Variants in EBF2 observed in about 807,000 individuals in gnomAD.
EBF2 encodes the protein EBF transcription factor 2.
EBF2 carries 21 observed loss-of-function variants against 72.8 expected under a neutral mutation model. The observed-to-expected ratio is 0.29, with a 90% confidence interval of 0.20 to 0.42. The LOEUF is 0.42. EBF2 is among the 10% of genes least tolerant of loss of function. The pLI is 1.00. For missense variants in EBF2, 637 were observed against 731.2 expected (o/e 0.87, Z 1.49); for synonymous variants, 299 against 274.2 (o/e 1.09, Z -0.89).
Position 26,029,568 on chromosome 8 carries a change from C to A in EBF2, c.551+3517G>T, listed in dbSNP as rs113925329. The stretch of plus-strand genomic sequence containing the variant: ...CCTCTCCCTCTCCCTGGAACATGCA[C>A]ATTTCAAGGGAATAAACAGACTTCT... On this transcript the variant is annotated intron_variant, in intron 6 of 15. Transcript: ENST00000520164. Among the ~76,000 whole-genome samples, 200 of 152,284 alleles carry A rather than the reference C, an allele frequency of 1.3e-3. 4 individuals carry two copies. Among genetic ancestry groups the A allele is most frequent in the African/African-American group, 4.6e-3 (190 of 41,560 alleles).
chr8:25,886,769 C>A lies in EBF2; in HGVS notation c.995G>T (p.Arg332Met), dbSNP rs765464688. The A allele has an allele frequency of 6.2e-7, 1 of 1,609,154 alleles. No individual in the cohort carries two copies. Among genetic ancestry groups the A allele is most frequent in the South Asian group, 1.1e-5 (1 of 89,676 alleles). Reference sequence around the variant, plus strand: ...TTCTCACCTACCTGTGTAAATGAACCTTCCTGGGGCTCCTTTGCAGAACTG... The same window carrying A: ...TTCTCACCTACCTGTGTAAATGAACATTCCTGGGGCTCCTTTGCAGAACTG... ...SKQFCKGAPG[R>M]FIYTALNEPT... is the part of the protein sequence containing the mutation. The change falls in exon 10 of 16, where the codon AGG (arginine) becomes ATG (methionine). Residue 332 changes from arginine to methionine, a missense_variant. By Grantham distance (91) the Arg-to-Met change is moderately conservative. Coordinates refer to ENST00000520164, the MANE Select transcript of EBF2 (RefSeq NM_022659.4).
chr8:25,883,644 C>G (rs552988796), intron 10 of EBF2, among the ~76,000 whole-genome samples: 13 of 152,088 alleles, frequency 8.5e-5, no homozygotes, highest in African/African-American at 2.4e-4. Context: ...TGCACACACA[C>G]GTACACAACA....
chr8:26,014,555 A>G (rs1024322022), intron 6 of EBF2, among the ~76,000 whole-genome samples: 10 of 152,222 alleles, frequency 6.6e-5, no homozygotes, highest in Non-Finnish European at 1.5e-4. Flanking sequence ...CAGAAACACA[A>G]GAATACTGAA....
chr8:26,010,730 T>G (rs895413972), intron 6 of EBF2, among the ~76,000 whole-genome samples: 1 of 152,194 alleles, frequency 6.6e-6, no homozygotes, highest in Non-Finnish European at 1.5e-5. Context: ...ATTTATGACA[T>G]CTTGGAATGC....
chr8:26,010,544 G>A (rs983185275), intron 6 of EBF2, among the ~76,000 whole-genome samples: 6 of 152,122 alleles, frequency 3.9e-5, no homozygotes, highest in South Asian at 4.1e-4. Flanking sequence ...ACCCGTTCCC[G>A]GCAGAAAATA....
At position 25,842,751 on chromosome 8, in the gene EBF2, A is replaced by T. The variant is rs1448315870; in HGVS notation, c.*1858T>A. The T allele has an allele frequency of 2.6e-5, 4 of 152,228 alleles. No homozygotes were observed. The highest frequency in any genetic ancestry group is 5.9e-5 in the Non-Finnish European group (4 of 68,038). 9.4% of individuals were successfully genotyped at this position (152,228 alleles called of 1,614,324 possible). ...ACTGGGTAATTCCAGAATGGGTTAA[A>T]GGCAAATAAGACAGTTGGGGCTGGA... On this transcript the variant is annotated 3_prime_UTR_variant, in exon 16 of 16. Coordinates refer to ENST00000520164, the MANE Select transcript of EBF2 (RefSeq NM_022659.4).
intron 6 of EBF2, among the ~76,000 whole-genome samples, chr8:25,947,102 A>G (rs571064859): frequency 4.5e-4 from 68 of 152,220 alleles, no homozygotes; most frequent in African/African-American, 1.6e-3. Context: ...CCCATGACCC[A>G]CTGATATGGT....
chr8:25,972,449 C>A (rs1300528608), intron 6 of EBF2, among the ~76,000 whole-genome samples: 2 of 152,018 alleles, frequency 1.3e-5, no homozygotes, highest in Non-Finnish European at 2.9e-5. Context: ...ATGACCCTCC[C>A]CTGTCATCAG....
At chr8:26,025,800 C>A (rs1363716355) in intron 6 of EBF2, among the ~76,000 whole-genome samples, 1 of 152,020 alleles carries the variant, frequency 6.6e-6, no homozygotes, top group Non-Finnish European at 1.5e-5. Flanking sequence ...AAGAATGATG[C>A]ATTCACATTG....
intron 10 of EBF2, among the ~76,000 whole-genome samples, chr8:25,884,686 A>G (rs1248911001): frequency 6.6e-6 from 1 of 152,194 alleles, no homozygotes; most frequent in Admixed American, 6.5e-5. Context: ...ACTAGTTTGA[A>G]TGAATGAATG....
intron 15 of EBF2, among the ~76,000 whole-genome samples, chr8:25,848,039 C>A (rs1173878911): frequency 6.7e-6 from 1 of 148,960 alleles, no homozygotes; most frequent in African/African-American, 2.6e-5. Context: ...TAAAAAAAAA[C>A]CTATAAAAAC....
At chr8:26,016,967 G>A (rs1805120309) in intron 6 of EBF2, among the ~76,000 whole-genome samples, 1 of 152,036 alleles carries the variant, frequency 6.6e-6, no homozygotes, top group Admixed American at 6.6e-5. Flanking sequence ...TTAAAAGGCA[G>A]AAGTCAGAGA....
At chr8:26,004,473 G>A (rs1371605641) in intron 6 of EBF2, among the ~76,000 whole-genome samples, 3 of 151,906 alleles carry the variant, frequency 2.0e-5, no homozygotes, top group Admixed American at 1.3e-4. Flanking sequence ...TCAGGAGTTC[G>A]AGACCAGCCT....
intron 14 of EBF2, among the ~76,000 whole-genome samples, chr8:25,854,617 C>A (rs1802047337): frequency 6.6e-6 from 1 of 152,074 alleles, no homozygotes; most frequent in Non-Finnish European, 1.5e-5. Flanking sequence ...CCTATACGTG[C>A]TTTTCAAGTT....
At chr8:26,019,801 C>T (rs140792874) in intron 6 of EBF2, among the ~76,000 whole-genome samples, 1,567 of 152,292 alleles carry the variant, frequency 0.01, 19 homozygotes, top group South Asian at 0.026. Flanking sequence ...CCCCAAGAGG[C>T]AGGGAGAACT....
intron 7 of EBF2, among the ~76,000 whole-genome samples, chr8:25,890,141 C>T (rs1338414534): frequency 1.3e-5 from 2 of 152,342 alleles, no homozygotes; most frequent in Middle Eastern, 3.4e-3. Flanking sequence ...CCTGCTGGTT[C>T]CAGAAACCTG....
intron 6 of EBF2, among the ~76,000 whole-genome samples, chr8:25,945,941 A>G (rs1377249200): frequency 6.6e-6 from 1 of 152,126 alleles, no homozygotes; most frequent in African/African-American, 2.4e-5. Context: ...TTTCAGAATG[A>G]GCAAGGAGTT....
chr8:25,910,731 G>C (rs1455924945), intron 6 of EBF2, among the ~76,000 whole-genome samples: 7 of 152,018 alleles, frequency 4.6e-5, no homozygotes. Flanking sequence ...CTTGTCTGGG[G>C]GGCTGAATTT....
intron 6 of EBF2, among the ~76,000 whole-genome samples, chr8:26,030,412 C>G (rs762637908): frequency 3.2e-4 from 47 of 148,644 alleles, no homozygotes; most frequent in Non-Finnish European, 5.8e-4. Context: ...ACATCACACA[C>G]CGGGGACTGT....
Sources: gnomAD v4.1 joint callset for allele counts (sites outside exome capture counted in the v4.1 genomes callset) on GRCh38, gnomAD v4.1.1 for gene constraint, MANE v1.5 for transcripts, NCBI Gene and HGNC (gene_info 2026-07-23, HGNC 2026-07-21) for gene names.